The following EPS8 variants were observed in gnomAD, a reference collection of about 807,000 sequenced individuals.
The protein encoded by EPS8 is EGFR pathway substrate 8, signaling adaptor.
Under a neutral mutation model 103.8 loss-of-function variants are expected in EPS8, and 42 were observed. The ratio of observed to expected loss-of-function variants is 0.40; its 90% CI spans 0.32 to 0.52. EPS8 has a LOEUF of 0.52. Ranked by LOEUF, EPS8 falls within the 20% of genes least tolerant of loss-of-function variation. The pLI, the probability that EPS8 is intolerant of heterozygous loss-of-function variation, is 0.40. For missense variants in EPS8, 969 were observed against 1,005.1 expected (o/e 0.96, Z 0.49); for synonymous variants, 344 against 344.6 (o/e 1.00, Z 0.02).
intron 18 of EPS8, among the ~76,000 whole-genome samples, chr12:15,625,845 T>C (rs1944935653): frequency 6.6e-6 from 1 of 152,170 alleles, no homozygotes; most frequent in Non-Finnish European, 1.5e-5. Flanking sequence ...ATGACCACTG[T>C]GCTTAGGTTC....
intron 1 of EPS8, among the ~76,000 whole-genome samples, chr12:15,711,034 T>C (rs1052479566): frequency 4.7e-5 from 1 of 21,188 alleles, no homozygotes; most frequent in African/African-American, 1.2e-4. Flanking sequence ...CATGCCAGGC[T>C]TATTTATTTA....
rs1198363631 is a variant in EPS8 at position 15,702,402 on chromosome 12, C to T, written c.-21-19430G>A. ...TAAGCATTTTCATCCATAGGAAGCACTTTTAAACTACAAACACTTCTGGGA... is the reference window on the plus strand; with the variant it reads ...TAAGCATTTTCATCCATAGGAAGCATTTTTAAACTACAAACACTTCTGGGA... On this transcript the variant is annotated intron_variant, in intron 1 of 20. Transcript: ENST00000281172. This position sits in a 1 kb window ranked among gnomAD's most constrained non-coding sequence, Gnocchi z 5.1. Among the ~76,000 whole-genome samples, 1 of 152,124 alleles carries T rather than the reference C, an allele frequency of 6.6e-6. No individual in the cohort carries two copies. Among genetic ancestry groups the T allele is most frequent in the Non-Finnish European group, 1.5e-5 (1 of 68,016 alleles).
At chr12:15,640,258 A>G (rs1945205634) in intron 17 of EPS8, among the ~76,000 whole-genome samples, 1 of 152,212 alleles carries the variant, frequency 6.6e-6, no homozygotes, top group South Asian at 2.1e-4. Flanking sequence ...GATGAGTGCA[A>G]GTTCAAGGCT....
chr12:15,635,961 C>A (rs1028979169), intron 17 of EPS8, among the ~76,000 whole-genome samples: 2 of 151,768 alleles, frequency 1.3e-5, no homozygotes, highest in African/African-American at 4.8e-5. Context: ...ATAATAAACG[C>A]ATAGATAATA....
intron 1 of EPS8, among the ~76,000 whole-genome samples, chr12:15,773,971 T>C (rs2136046353): frequency 6.6e-6 from 1 of 152,274 alleles, no homozygotes; most frequent in East Asian, 1.9e-4. Flanking sequence ...AAATATTTGT[T>C]AAAATTTCTT....
chr12:15,634,314 T>C (rs1945099622), intron 17 of EPS8, among the ~76,000 whole-genome samples: 1 of 152,218 alleles, frequency 6.6e-6, no homozygotes, highest in African/African-American at 2.4e-5. Context: ...AAAGTTCTGT[T>C]AAAAGCAAAA....
rs1412184989 is a variant in EPS8, at chr12:15,688,908, G to C, written c.-21-5936C>G. Among the ~76,000 whole-genome samples, 1 of 152,134 alleles carries C rather than the reference G, an allele frequency of 6.6e-6. No homozygotes were observed. Among genetic ancestry groups the C allele is most frequent in the African/African-American group, 2.4e-5 (1 of 41,414 alleles). Reference sequence around the variant, plus strand: ...CACCCTGTAACACTCGCCCACGGGGGCTTCATCTGTAAACATTCACTCCTA... The same window carrying C: ...CACCCTGTAACACTCGCCCACGGGGCCTTCATCTGTAAACATTCACTCCTA... On this transcript the variant is annotated intron_variant, in intron 1 of 20. Coordinates refer to ENST00000281172, the MANE Select transcript of EPS8 (RefSeq NM_004447.6). The surrounding 1 kb of genome is among the most constrained non-coding windows in gnomAD (Gnocchi z 5.1).
At position 15,727,635 on chromosome 12, in the gene EPS8, G is replaced by A. The variant is rs558658002; in HGVS notation, c.-21-44663C>T. On this transcript the variant is annotated intron_variant, in intron 1 of 20. Coordinates refer to ENST00000281172, the MANE Select transcript of EPS8 (RefSeq NM_004447.6). The surrounding 1 kb of genome is among the most constrained non-coding windows in gnomAD (Gnocchi z 4.3). ...AGCACCTTGGGAGGCCGAGGTGGGC[G>A]GATCACGAGGTCAGGAGTTCGAGAC... Among the ~76,000 whole-genome samples the A allele has an allele frequency of 6.2e-4, 94 of 152,266 alleles. No individual in the cohort carries two copies. Among genetic ancestry groups the A allele is most frequent in the Non-Finnish European group, 1.1e-3 (76 of 68,022 alleles).
In EPS8 at chr12:15,690,635, G is replaced by C. The variant is rs1323332055; in HGVS notation, c.-21-7663C>G. On this transcript the variant is annotated intron_variant, in intron 1 of 20. Transcript: ENST00000281172. The surrounding 1 kb of genome is among the most constrained non-coding windows in gnomAD (Gnocchi z 4.7). ...TTACAGATCCAATGGCCAGCAGAAT[G>C]ATTATATGGGGGAATGTAATTGCTT... 1.3e-5 allele frequency among the ~76,000 whole-genome samples: 2 copies of C among 152,166 alleles called. No homozygotes were observed. The highest frequency in any genetic ancestry group is 2.9e-5 in the Non-Finnish European group (2 of 68,020).
Position 15,696,327 on chromosome 12 carries a change from T to G in EPS8, c.-21-13355A>C, listed in dbSNP as rs896822100. 2.6e-5 allele frequency among the ~76,000 whole-genome samples: 4 copies of G among 151,988 alleles called. No individual in the cohort carries two copies. Among genetic ancestry groups the G allele is most frequent in the African/African-American group, 4.8e-5 (2 of 41,364 alleles). ...CAGTAAAATCTATAAAACACTAACTTTAGAGACTTTCCAAGTTTAAGAACA... is the reference window on the plus strand; with the variant it reads ...CAGTAAAATCTATAAAACACTAACTGTAGAGACTTTCCAAGTTTAAGAACA... On this transcript the variant is annotated intron_variant, in intron 1 of 20. Transcript: ENST00000281172. This position sits in a 1 kb window ranked among gnomAD's most constrained non-coding sequence, Gnocchi z 4.8.
intron 1 of EPS8, among the ~76,000 whole-genome samples, chr12:15,740,293 TC>T (rs1946806675): frequency 6.6e-6 from 1 of 152,156 alleles, no homozygotes; most frequent in Non-Finnish European, 1.5e-5. Context: ...ACGCCTGTAA[TC>T]CCAGCACTTT....
chr12:15,773,136 A>G (rs148490341), intron 1 of EPS8, among the ~76,000 whole-genome samples: 176 of 152,294 alleles, frequency 1.2e-3, no homozygotes, highest in African/African-American at 4.0e-3. Flanking sequence ...TTAAGAGACT[A>G]TGTTCCATAT....
chr12:15,710,224 A>G (rs1003528310), intron 1 of EPS8, among the ~76,000 whole-genome samples: 1 of 152,246 alleles, frequency 6.6e-6, no homozygotes, highest in Non-Finnish European at 1.5e-5. Flanking sequence ...AAAGAATCCA[A>G]TGGAATCTAA....
Position 15,695,494 on chromosome 12 carries a change from C to T in EPS8, c.-21-12522G>A, listed in dbSNP as rs1946230815. 6.6e-6 allele frequency among the ~76,000 whole-genome samples: 1 copy of T among 152,166 alleles called. No homozygotes were observed. Among genetic ancestry groups the T allele is most frequent in the South Asian group, 2.1e-4 (1 of 4,826 alleles). On this transcript the variant is annotated intron_variant, in intron 1 of 20. Coordinates refer to ENST00000281172, the MANE Select transcript of EPS8 (RefSeq NM_004447.6). This position sits in a 1 kb window ranked among gnomAD's most constrained non-coding sequence, Gnocchi z 5.0. ...TGAGCACTTGAAATGTGGCTAGTGC[C>T]ACTAAGAAACTGAATTTTAAGTTTT...
chr12:15,691,684 T>C (rs774722311), intron 1 of EPS8, among the ~76,000 whole-genome samples: 25 of 152,186 alleles, frequency 1.6e-4, no homozygotes, highest in Non-Finnish European at 3.2e-4. Flanking sequence ...AGGTTGGAGA[T>C]GAAGTGAGAA....
At chr12:15,638,655 A>G (rs566421013) in intron 17 of EPS8, among the ~76,000 whole-genome samples, 20 of 152,378 alleles carry the variant, frequency 1.3e-4, no homozygotes, top group Admixed American at 1.3e-4. Flanking sequence ...ACAAGTTTCT[A>G]TTTACATAAA....
Position 15,749,885 on chromosome 12 carries a change from T to C in EPS8, c.-22+39276A>G, listed in dbSNP as rs949419265. On this transcript the variant is annotated intron_variant, in intron 1 of 20. Coordinates refer to ENST00000281172, the MANE Select transcript of EPS8 (RefSeq NM_004447.6). This position sits in a 1 kb window ranked among gnomAD's most constrained non-coding sequence, Gnocchi z 4.0. ...TATGTAAACAAAATCTAGTAGACTA[T>C]AGTAATTCATCTAAGAAAAACGAAT... is the stretch of plus-strand genomic sequence containing the variant. 1.3e-5 allele frequency among the ~76,000 whole-genome samples: 2 copies of C among 152,194 alleles called. No homozygotes were observed. The highest frequency in any genetic ancestry group is 2.4e-5 in the African/African-American group (1 of 41,434).
chr12:15,741,955 C>G (rs1160774793), intron 1 of EPS8, among the ~76,000 whole-genome samples: 3 of 152,142 alleles, frequency 2.0e-5, no homozygotes, highest in African/African-American at 7.2e-5. Flanking sequence ...TGAGTGAGAA[C>G]ATGCAGTGTT....
intron 1 of EPS8, among the ~76,000 whole-genome samples, chr12:15,709,101 T>C (rs193277044): frequency 3.9e-5 from 6 of 152,160 alleles, no homozygotes; most frequent in Non-Finnish European, 8.8e-5. Context: ...GTCATATCAC[T>C]TCATTTTTTT....
Sources: allele counts gnomAD v4.1 joint callset (sites outside exome capture counted in the v4.1 genomes callset), GRCh38; gene constraint gnomAD v4.1.1; non-coding constraint Gnocchi (gnomAD v3.1); transcripts MANE v1.5; gene names NCBI Gene and HGNC (gene_info 2026-07-23, HGNC 2026-07-21).